TMEM35A: variants seen among roughly 807,000 people sequenced by gnomAD.
TMEM35A encodes the protein transmembrane protein 35A, also known as nicotinic acetylcholine receptor chaperone.
For synonymous variants in TMEM35A, 50 were observed against 54.7 expected (o/e 0.91, Z 0.38); for missense variants, 83 against 132.7 (o/e 0.63, Z 1.84).
rs1047206893 is a variant in TMEM35A, at chrX:101,095,119, A to G, written c.*163A>G. The G allele has an allele frequency of 1.1e-5, 6 of 553,749 alleles. No homozygotes were observed. The African/African-American group carries it at 1.4e-4, about 13-fold the overall frequency. The allele number at this position is 553,749 out of a possible 1,213,427, so 45.6% of individuals were successfully genotyped here. On this transcript the variant is annotated 3_prime_UTR_variant, in exon 2 of 2. Coordinates refer to ENST00000372930, the MANE Select transcript of TMEM35A (RefSeq NM_021637.3). ...GGCTTGTGTACATCTATATGCTAAA[A>G]TGACTTCCCCACATTGACATTTGTG... is the stretch of plus-strand genomic sequence containing the variant.
chrX:101,095,147 C>T lies in TMEM35A; in HGVS notation c.*191C>T. The T allele has an allele frequency of 2.2e-6, 1 of 454,646 alleles. No individual in the cohort carries two copies. Among genetic ancestry groups the T allele is most frequent in the Non-Finnish European group, 3.6e-6 (1 of 278,361 alleles). The allele number at this position is 454,646 out of a possible 1,213,427, so 37.5% of individuals were successfully genotyped here. On this transcript the variant is annotated 3_prime_UTR_variant, in exon 2 of 2. Transcript: ENST00000372930. Reference sequence around the variant, plus strand: ...ACTTCCCCACATTGACATTTGTGCGCCACCTTTAATCACTCTGGGGCAACT... The same window carrying T: ...ACTTCCCCACATTGACATTTGTGCGTCACCTTTAATCACTCTGGGGCAACT...
At position 101,095,089 on chromosome X, in the gene TMEM35A, CTA is replaced by C. The variant is rs1408850705; in HGVS notation, c.*135_*136del. 1 of 755,028 alleles carries C rather than the reference CTA, an allele frequency of 1.3e-6. No homozygotes were observed. Among genetic ancestry groups the C allele is most frequent in the Non-Finnish European group, 1.8e-6 (1 of 543,266 alleles). 62.2% of individuals were successfully genotyped at this position (755,028 alleles called of 1,213,427 possible). On this transcript the variant is annotated 3_prime_UTR_variant, in exon 2 of 2. Coordinates refer to ENST00000372930, the MANE Select transcript of TMEM35A (RefSeq NM_021637.3). ...AAATGTAATCTGCAAGTTAATGACC[CTA>C]TTGGCTTGTGTACATCTATATGCTA...
intron 1 of TMEM35A, among the ~76,000 whole-genome samples, chrX:101,085,668 C>T (rs372472274): frequency 1.6e-4 from 18 of 110,672 alleles, no homozygotes; most frequent in African/African-American, 5.6e-4. Flanking sequence ...TTGGCTCACA[C>T]CTGTAATCCC....
chrX:101,085,551 A>T (rs1403945023), intron 1 of TMEM35A, among the ~76,000 whole-genome samples: 1 of 111,291 alleles, frequency 9.0e-6, no homozygotes, highest in African/African-American at 3.3e-5. Context: ...CAGTGAGCCG[A>T]GATCGTGCAG....
intron 1 of TMEM35A, among the ~76,000 whole-genome samples, chrX:101,087,175 C>T (rs1357604240): frequency 9.0e-6 from 1 of 110,923 alleles, no homozygotes; most frequent in Non-Finnish European, 1.9e-5. Context: ...AGGCTGGTCT[C>T]GAACTCCCAA....
chrX:101,083,519 C>G (rs149280759), intron 1 of TMEM35A, among the ~76,000 whole-genome samples: 386 of 111,761 alleles, frequency 3.5e-3, no homozygotes, highest in African/African-American at 0.012. Context: ...GTTAAGTGCC[C>G]TTCTGTTTAT....
At chrX:101,079,212 C>T (rs1451910027) in intron 1 of TMEM35A, 90 bp downstream of exon 1, 29 of 1,051,696 alleles carry the variant, frequency 2.8e-5, no homozygotes, top group Non-Finnish European at 3.6e-5. Flanking sequence ...CTGGTCCCAC[C>T]CCCTTAGCCC....
intron 1 of TMEM35A, among the ~76,000 whole-genome samples, chrX:101,086,414 C>G (rs775131190): frequency 9.3e-4 from 105 of 112,392 alleles, no homozygotes; most frequent in African/African-American, 3.1e-3. Context: ...AGCCACTGCA[C>G]CCGGCCTAAT....
intron 1 of TMEM35A, among the ~76,000 whole-genome samples, chrX:101,092,135 G>A (rs992572486): frequency 9.0e-6 from 1 of 110,684 alleles, no homozygotes; most frequent in African/African-American, 3.3e-5. Flanking sequence ...CCAGAACAGT[G>A]CCTAGCACAA....
chrX:101,084,642 A>G (rs753801278), intron 1 of TMEM35A, among the ~76,000 whole-genome samples: 5 of 111,534 alleles, frequency 4.5e-5, no homozygotes, highest in East Asian at 5.6e-4. Flanking sequence ...AGGTGGGTGG[A>G]TCACCTGAGG....
At chrX:101,093,479 A>G (rs1419254777) in intron 1 of TMEM35A, among the ~76,000 whole-genome samples, 6 of 109,446 alleles carry the variant, frequency 5.5e-5, no homozygotes, top group Admixed American at 4.0e-4. Context: ...ACACCCGGCT[A>G]ATTTTTGTAT....
chrX:101,081,676 C>G (rs17003848), intron 1 of TMEM35A: 11,522 of 111,590 alleles, frequency 0.1, 1,314 homozygotes, highest in African/African-American at 0.33. Flanking sequence ...TCCTCTGCAT[C>G]GAGGAGGTTA....
Position 101,088,322 on chromosome X carries a change from C to T in TMEM35A, c.121-6251C>T, listed in dbSNP as rs373241320. Among the ~76,000 whole-genome samples the T allele has an allele frequency of 4.4e-5, 5 of 112,903 alleles. No homozygotes were observed. The East Asian group carries it at 1.4e-3, about 31-fold the overall frequency. On this transcript the variant is annotated intron_variant, in intron 1 of 1. Transcript: ENST00000372930. Reference sequence around the variant, plus strand: ...CTTTTGTGTTGCTAATTAGAAATGGCCCTTACTGGGCAACCGTGGTGGCTC... The same window carrying T: ...CTTTTGTGTTGCTAATTAGAAATGGTCCTTACTGGGCAACCGTGGTGGCTC...
rs2148111545 is a variant in TMEM35A at position 101,092,832 on chromosome X, G to A, written c.121-1741G>A. Among the ~76,000 whole-genome samples the A allele has an allele frequency of 1.8e-5, 2 of 111,140 alleles. 1 individual carries two copies. The highest frequency in any genetic ancestry group is 5.6e-4 in the East Asian group (2 of 3,558). ...GCCAAAATTCCACCACTGCACTCCA[G>A]CCTGGGCGACAGAGTGAGACTCCGT... On this transcript the variant is annotated intron_variant, in intron 1 of 1. Transcript: ENST00000372930.
In TMEM35A at chrX:101,095,132, A is replaced by G. The variant is rs1340860929; in HGVS notation, c.*176A>G. 4.0e-6 allele frequency: 2 copies of G among 505,469 alleles called. No individual in the cohort carries two copies. Among genetic ancestry groups the G allele is most frequent in the African/African-American group, 2.4e-5 (1 of 41,383 alleles). 41.7% of individuals were successfully genotyped at this position (505,469 alleles called of 1,213,427 possible). On this transcript the variant is annotated 3_prime_UTR_variant, in exon 2 of 2. Coordinates refer to ENST00000372930, the MANE Select transcript of TMEM35A (RefSeq NM_021637.3). Reference sequence around the variant, plus strand: ...CTATATGCTAAAATGACTTCCCCACATTGACATTTGTGCGCCACCTTTAAT... The same window carrying G: ...CTATATGCTAAAATGACTTCCCCACGTTGACATTTGTGCGCCACCTTTAAT...
intron 1 of TMEM35A, among the ~76,000 whole-genome samples, chrX:101,080,909 GT>G (rs2089290053): frequency 1.8e-5 from 2 of 109,936 alleles, no homozygotes; most frequent in South Asian, 8.0e-4. Context: ...TAAGTACAGT[GT>G]TAGGCTCTGC....
At chrX:101,092,261 C>T (rs768023332) in intron 1 of TMEM35A, among the ~76,000 whole-genome samples, 1 of 109,615 alleles carries the variant, frequency 9.1e-6, no homozygotes, top group Non-Finnish European at 1.9e-5. Flanking sequence ...TAAAAGAAAA[C>T]AAAGCAGTGG....
At chrX:101,079,691 C>T (rs1045434927) in intron 1 of TMEM35A, among the ~76,000 whole-genome samples, 1 of 111,560 alleles carries the variant, frequency 9.0e-6, no homozygotes, top group African/African-American at 3.3e-5. Flanking sequence ...CATTCTTGGC[C>T]CAAATAAAGG....
chrX:101,094,489 GA>G (rs2089332985), intron 1 of TMEM35A, 83 bp from the exon 2 acceptor site: 1 of 994,809 alleles, frequency 1.0e-6, no homozygotes, highest in African/African-American at 1.9e-5. Context: ...TGTGAAAGGG[GA>G]GAGGACTCTG....
Sources: allele counts gnomAD v4.1 joint callset (sites outside exome capture counted in the v4.1 genomes callset), GRCh38; gene constraint gnomAD v4.1.1; transcripts MANE v1.5; gene names NCBI Gene and HGNC (gene_info 2026-07-23, HGNC 2026-07-21).